KIAA1217: variants seen among roughly 807,000 people sequenced by gnomAD.
The protein encoded by KIAA1217 is sickle tail protein homolog.
Under a neutral mutation model 163.9 loss-of-function variants are expected in KIAA1217, and 88 were observed. The observed-to-expected ratio is 0.54, with a 90% CI of 0.45 to 0.64. The LOEUF (loss-of-function observed/expected upper bound fraction) is 0.64, where lower values mean the gene tolerates loss of function less well. Among genes scored for constraint, KIAA1217 ranks in the 30% least tolerant of loss-of-function variants. The probability of loss-of-function intolerance (pLI) is 0.00; values close to 1 mark genes in which losing one functional copy is unlikely to be tolerated. For missense variants in KIAA1217, 2,372 were observed against 2,475.0 expected (o/e 0.96, Z 0.88); for synonymous variants, 903 against 923.1 (o/e 0.98, Z 0.39).
At chr10:24,234,656 CAAAAAAAAA>C (rs71397938) in intron 2 of KIAA1217, among the ~76,000 whole-genome samples, 4 of 73,356 alleles carry the variant, frequency 5.5e-5, no homozygotes, top group Non-Finnish European at 5.2e-5. Context: ...AAAACTGTCT[CAAAAAAAAA>C]AAAAAAAAAA....
chr10:24,498,775 T>C (rs1014973155), intron 8 of KIAA1217, among the ~76,000 whole-genome samples: 11 of 152,194 alleles, frequency 7.2e-5, no homozygotes, highest in Non-Finnish European at 1.2e-4. Context: ...ATTGCACCGC[T>C]GCACTCAAGC....
chr10:24,034,816 C>T (rs571654392), intron 2 of KIAA1217, among the ~76,000 whole-genome samples: 1 of 152,192 alleles, frequency 6.6e-6, no homozygotes, highest in African/African-American at 2.4e-5. Context: ...ATCCTCCAGG[C>T]TGCTGCCTTC....
At chr10:23,905,262 C>T (rs1842113338) in intron 1 of KIAA1217, among the ~76,000 whole-genome samples, 1 of 151,498 alleles carries the variant, frequency 6.6e-6, no homozygotes, top group East Asian at 2.0e-4. Flanking sequence ...ATCACATGCA[C>T]TATCTCTTGA....
chr10:24,094,983 T>G (rs1430083664), intron 2 of KIAA1217, among the ~76,000 whole-genome samples: 1 of 152,150 alleles, frequency 6.6e-6, no homozygotes, highest in African/African-American at 2.4e-5. Context: ...CAGTTTGATC[T>G]CAGACTGCTG....
intron 1 of KIAA1217, among the ~76,000 whole-genome samples, chr10:23,792,294 CCTG>C (rs1310409811): frequency 1.3e-5 from 2 of 152,092 alleles, no homozygotes; most frequent in African/African-American, 4.8e-5. Flanking sequence ...TCTACAGAAG[CCTG>C]CTATTTAAGG....
intron 2 of KIAA1217, among the ~76,000 whole-genome samples, chr10:24,246,571 G>A (rs947236812): frequency 6.6e-6 from 1 of 152,176 alleles, no homozygotes; most frequent in African/African-American, 2.4e-5. Flanking sequence ...TTGACATGTG[G>A]GTAGGAACAC....
rs913330035 is a variant in KIAA1217, at chr10:24,108,285, C to T, written c.-171+100911C>T. ...GATTACTTCACAGCCAAAAATATTT[C>T]GGTAGCAAAAACAGATAAGAATGCC... On this transcript the variant is annotated intron_variant, in intron 2 of 18. Coordinates refer to the KIAA1217 transcript ENST00000376462. Among the ~76,000 whole-genome samples the T allele has an allele frequency of 5.3e-5, 8 of 152,134 alleles. No individual in the cohort carries two copies. The South Asian group carries it at 8.3e-4, about 16-fold the overall frequency.
chr10:24,247,546 C>T (rs987291593), intron 2 of KIAA1217, among the ~76,000 whole-genome samples: 2 of 152,204 alleles, frequency 1.3e-5, no homozygotes. Flanking sequence ...CTTGTAATCC[C>T]AGCACTTTGG....
intron 2 of KIAA1217, among the ~76,000 whole-genome samples, chr10:24,056,424 C>T (rs1156718513): frequency 2.0e-5 from 3 of 151,916 alleles, no homozygotes; most frequent in Admixed American, 2.0e-4. Flanking sequence ...GGAGAAAACT[C>T]TTGGCTCACC....
At chr10:23,968,138 A>G (rs891488244) in intron 1 of KIAA1217, among the ~76,000 whole-genome samples, 2 of 151,040 alleles carry the variant, frequency 1.3e-5, no homozygotes, top group Admixed American at 1.3e-4. Flanking sequence ...ATACCAAAGT[A>G]TGCATATGTG....
rs78436918 is a variant in KIAA1217 at position 23,880,243 on chromosome 10, C to T, written c.-320-126982C>T. Among the ~76,000 whole-genome samples the T allele has an allele frequency of 6.5e-3, 994 of 151,912 alleles. 34 individuals are homozygous for T. The highest frequency in any genetic ancestry group is 0.045 in the Admixed American group (692 of 15,242). On this transcript the variant is annotated intron_variant, in intron 1 of 18. Transcript: ENST00000376462. ...ATGGATAAAGAAAATGTGGTATGTA[C>T]ACACAATGAAGTATAATTCTACCAT...
intron 2 of KIAA1217, among the ~76,000 whole-genome samples, chr10:24,179,341 C>A (rs183712420): frequency 5.3e-5 from 8 of 152,084 alleles, no homozygotes; most frequent in Admixed American, 4.6e-4. Context: ...TGATTTAGCA[C>A]CATCCCCCCA....
chr10:24,176,086 TACAGAGAGCTGATTGGTCCATTTC>T (rs1302314042), intron 2 of KIAA1217, among the ~76,000 whole-genome samples: 2 of 152,226 alleles, frequency 1.3e-5, no homozygotes, highest in African/African-American at 2.4e-5. Flanking sequence ...TGGTCCATTT[TACAGAGAGCTGATTGGTCCATTTC>T]ACAGAGAGCT....
intron 2 of KIAA1217, among the ~76,000 whole-genome samples, chr10:24,087,920 C>G (rs2061761680): frequency 2.8e-5 from 2 of 71,542 alleles, no homozygotes; most frequent in South Asian, 5.0e-4. Flanking sequence ...GTGGTGGCCT[C>G]CCAAGCCTTC....
rs973558151 is a variant in KIAA1217, at chr10:24,521,824, G to A, written c.2351G>A (p.Arg784His). Residue 784 changes from arginine to histidine, a missense_variant, in exon 12 of 21, where the codon CGC (arginine) becomes CAC (histidine). This residue lies in a region of KIAA1217 where 1,431 missense variants were observed against 1,470.3 expected (regional missense o/e 0.97). Coordinates refer to ENST00000376454, the MANE Select transcript of KIAA1217 (RefSeq NM_019590.5). ...TLQNKMRAILRIEVEAVRFLK... is the reference protein window; with the variant it reads ...TLQNKMRAILHIEVEAVRFLK... Reference sequence around the variant, plus strand: ...CAAAACAAGATGCGAGCCATCCTGCGCATAGAAGTGGAGGCCGTGCGGTTT... The same window carrying A: ...CAAAACAAGATGCGAGCCATCCTGCACATAGAAGTGGAGGCCGTGCGGTTT... The A allele has an allele frequency of 9.9e-6, 16 of 1,613,574 alleles. No individual in the cohort carries two copies. The highest frequency in any genetic ancestry group is 2.2e-5 in the East Asian group (1 of 44,890).
intron 2 of KIAA1217, among the ~76,000 whole-genome samples, chr10:24,372,860 A>C (rs2051879824): frequency 6.6e-6 from 1 of 152,194 alleles, no homozygotes; most frequent in African/African-American, 2.4e-5. Flanking sequence ...TATTCTATTA[A>C]AGATGTAATA....
rs567168630 is a variant in KIAA1217, at chr10:24,172,461, C to G, written c.-170-47165C>G. On this transcript the variant is annotated intron_variant, in intron 2 of 18. Transcript: ENST00000376462. ...AAACCAGAGCCAAATTCTCTGGGTTCGGGTCTTGACCGCAGTGCATCCTAG... is the reference window on the plus strand; with the variant it reads ...AAACCAGAGCCAAATTCTCTGGGTTGGGGTCTTGACCGCAGTGCATCCTAG... Among the ~76,000 whole-genome samples, 27 of 152,258 alleles carry G rather than the reference C, an allele frequency of 1.8e-4. 1 individual carries two copies. In the East Asian group the frequency reaches 5.2e-3, roughly 29 times the overall value.
intron 2 of KIAA1217, among the ~76,000 whole-genome samples, chr10:24,032,774 T>C (rs149280606): frequency 8.3e-4 from 127 of 152,326 alleles, no homozygotes; most frequent in African/African-American, 2.9e-3. Flanking sequence ...TGTGCTTTAA[T>C]GCTTTAGATT....
chr10:24,200,017 G>A (rs2067173903), intron 2 of KIAA1217, among the ~76,000 whole-genome samples: 1 of 151,786 alleles, frequency 6.6e-6, no homozygotes, highest in South Asian at 2.1e-4. Context: ...AGAAACTCTG[G>A]GAAACCCACA....
Sources: allele counts gnomAD v4.1 joint callset (sites outside exome capture counted in the v4.1 genomes callset), GRCh38; gene constraint gnomAD v4.1.1; regional missense constraint gnomAD v4.1.1; transcripts MANE v1.5; gene names NCBI Gene and HGNC (gene_info 2026-07-23, HGNC 2026-07-21).